Variants in LHX8 observed in about 807,000 individuals in gnomAD.
LHX8 encodes the protein LIM homeobox 8.
LHX8 carries 12 observed loss-of-function variants against 40.3 expected under a neutral mutation model. That is an observed-to-expected ratio of 0.30 (90% confidence interval 0.19 to 0.48). LHX8 has a LOEUF of 0.48. Ranked by LOEUF, LHX8 falls within the 20% of genes least tolerant of loss-of-function variation. The pLI is 0.99. For missense variants in LHX8, 344 were observed against 433.7 expected (o/e 0.79, Z 1.84); for synonymous variants, 179 against 162.0 (o/e 1.10, Z -0.80).
intron 6 of LHX8, among the ~76,000 whole-genome samples, chr1:75,147,425 C>T (rs1648489258): frequency 6.6e-6 from 1 of 152,118 alleles, no homozygotes. Flanking sequence ...TAAGACATTC[C>T]CCTTGATCTC....
intron 3 of LHX8, among the ~76,000 whole-genome samples, chr1:75,138,428 CAGA>C (rs976359681): frequency 1.1e-4 from 16 of 152,166 alleles, no homozygotes; most frequent in African/African-American, 2.9e-4. Flanking sequence ...GAGAAAATGC[CAGA>C]AGAAGTTTTG....
chr1:75,152,804 C>T (rs1449069476), intron 7 of LHX8, among the ~76,000 whole-genome samples: 3 of 152,208 alleles, frequency 2.0e-5, no homozygotes, highest in Non-Finnish European at 2.9e-5. Flanking sequence ...TACTGTTACT[C>T]TTTTACATCC....
At chr1:75,141,642 A>G (rs190776744) in intron 4 of LHX8, among the ~76,000 whole-genome samples, 26 of 152,206 alleles carry the variant, frequency 1.7e-4, no homozygotes, top group Non-Finnish European at 2.5e-4. Flanking sequence ...GCCTCAAACT[A>G]TTTCTTTTGT....
the LHX8 span, among the ~76,000 whole-genome samples, chr1:75,176,073 G>C: frequency 2.0e-5 from 3 of 152,170 alleles, no homozygotes; most frequent in African/African-American, 7.2e-5. Context: ...GTCTAACATT[G>C]CTGGACATTT....
At chr1:75,168,095 T>C in the LHX8 span, among the ~76,000 whole-genome samples, 2 of 152,242 alleles carry the variant, frequency 1.3e-5, no homozygotes, top group African/African-American at 4.8e-5. Context: ...TTCTGTCTAA[T>C]ATAGGTTAAA....
the LHX8 span, among the ~76,000 whole-genome samples, chr1:75,189,879 T>C: frequency 6.6e-6 from 1 of 152,220 alleles, no homozygotes; most frequent in Non-Finnish European, 1.5e-5. Flanking sequence ...CTAACACTAA[T>C]ACTGAATGAC....
the LHX8 span, among the ~76,000 whole-genome samples, chr1:75,183,730 A>G: frequency 4.6e-3 from 706 of 152,350 alleles, 7 homozygotes; most frequent in African/African-American, 0.016. Context: ...AGCCAGCATA[A>G]TAACCACCTA....
intron 1 of LHX8, 81 bp from the exon 2 acceptor site, chr1:75,136,522 C>A: frequency 9.2e-7 from 1 of 1,087,284 alleles, no homozygotes; most frequent in Non-Finnish European, 1.4e-6. Flanking sequence ...TAGCTCGCTC[C>A]CCGCGCCGAG....
At chr1:75,176,489 C>T in the LHX8 span, among the ~76,000 whole-genome samples, 4 of 152,160 alleles carry the variant, frequency 2.6e-5, no homozygotes, top group Non-Finnish European at 5.9e-5. Flanking sequence ...AGTGTCTGTT[C>T]ATATCCTTTG....
upstream of LHX8, chr1:75,132,856 C>A (rs1311141573): frequency 1.3e-5 from 2 of 152,108 alleles, no homozygotes; most frequent in African/African-American, 4.8e-5. Context: ...GCTCTATACA[C>A]GACCTGATGG....
chr1:75,157,120 AACTGGT>A (rs1216297651), intron 8 of LHX8, 44 bp downstream of exon 8: 2 of 1,556,950 alleles, frequency 1.3e-6, no homozygotes, highest in Non-Finnish European at 1.8e-6. Flanking sequence ...GGCAATCAGC[AACTGGT>A]AACTTCTAAT....
chr1:75,146,483 G>T (rs187131397), intron 6 of LHX8, among the ~76,000 whole-genome samples: 1 of 152,034 alleles, frequency 6.6e-6, no homozygotes, highest in Non-Finnish European at 1.5e-5. Context: ...TATTAAACAC[G>T]CCAAAGTTAG....
intron 8 of LHX8, 28 bp downstream of exon 8, chr1:75,157,104 C>G: frequency 6.2e-7 from 1 of 1,607,648 alleles, no homozygotes; most frequent in East Asian, 2.2e-5. Context: ...TAACAGCTGT[C>G]TCCCAGGCAA....
chr1:75,133,758 C>T (rs1051508321), upstream of LHX8, among the ~76,000 whole-genome samples: 1 of 152,150 alleles, frequency 6.6e-6, no homozygotes, highest in South Asian at 2.1e-4. Flanking sequence ...CAAGGCTGCT[C>T]GGGCTTACAT....
chr1:75,134,782 C>A lies in LHX8; in HGVS notation c.-185C>A. 1 of 292,274 alleles carries A rather than the reference C, an allele frequency of 3.4e-6. No individual in the cohort carries two copies. Among genetic ancestry groups the A allele is most frequent in the Non-Finnish European group, 5.1e-6 (1 of 196,162 alleles). 18.1% of individuals were successfully genotyped at this position (292,274 alleles called of 1,614,324 possible). On this transcript the variant is annotated 5_prime_UTR_variant, in exon 1 of 9. Coordinates refer to ENST00000356261, the MANE Select transcript of LHX8 (RefSeq NM_001256114.2). ...GTTGTTTGGGCTCCTAAACAAGGTTCAGAAACTACCTGTAACGGCCTCATC... is the reference window on the plus strand; with the variant it reads ...GTTGTTTGGGCTCCTAAACAAGGTTAAGAAACTACCTGTAACGGCCTCATC...
the LHX8 span, among the ~76,000 whole-genome samples, chr1:75,192,976 G>T: frequency 6.6e-6 from 1 of 152,216 alleles, no homozygotes; most frequent in Non-Finnish European, 1.5e-5. Context: ...TTACAGGCAT[G>T]AGCCACCATG....
intron 7 of LHX8, among the ~76,000 whole-genome samples, chr1:75,153,543 C>T (rs887111627): frequency 1.3e-5 from 2 of 151,972 alleles, no homozygotes; most frequent in Admixed American, 6.6e-5. Context: ...TCTCGAGCAG[C>T]TGGGACTACA....
chr1:75,136,321 G>A (rs1648125692), intron 1 of LHX8, among the ~76,000 whole-genome samples: 2 of 152,066 alleles, frequency 1.3e-5, no homozygotes, highest in South Asian at 4.1e-4. Context: ...CCCCGGCGGG[G>A]GGGCGGGGAA....
At position 75,137,173 on chromosome 1, in the gene LHX8, G is replaced by C; in HGVS notation, c.149G>C (p.Arg50Pro). The C allele has an allele frequency of 1.2e-6, 2 of 1,613,428 alleles. No individual in the cohort carries two copies. The highest frequency in any genetic ancestry group is 1.7e-6 in the Non-Finnish European group (2 of 1,179,888). The stretch of plus-strand genomic sequence containing the variant: ...CCGCTGTCCCCGTCGTCCTCGCCCC[G>C]GTCCATGGCCTCGGGCTCCGGCTGC... ...SAPLSPSSSP[R>P]SMASGSGCPP... Residue 50 changes from arginine (R) to proline (P), a missense_variant, in exon 3 of 9, where the codon CGG (arginine) becomes CCG (proline). Arg to Pro is a moderately radical substitution (Grantham distance 103). This residue lies in a region of LHX8 where 108 missense variants were observed against 90.1 expected (regional missense o/e 1.20). Coordinates refer to ENST00000356261, the MANE Select transcript of LHX8 (RefSeq NM_001256114.2).
Sources: allele counts gnomAD v4.1 joint callset (sites outside exome capture counted in the v4.1 genomes callset), GRCh38; gene constraint gnomAD v4.1.1; regional missense constraint gnomAD v4.1.1; transcripts MANE v1.5; gene names NCBI Gene and HGNC (gene_info 2026-07-23, HGNC 2026-07-21).